The following NKX2-1 variants were observed in gnomAD, a reference collection of about 807,000 sequenced individuals.
NKX2-1 encodes NK2 homeobox 1, also known as homeobox protein Nkx-2.1.
A neutral mutation model predicts 35.1 loss-of-function variants in NKX2-1; 9 were observed. That is an observed-to-expected ratio of 0.26 (90% confidence interval 0.15 to 0.45). NKX2-1 has a LOEUF of 0.45. Ranked by LOEUF, NKX2-1 falls within the 20% of genes least tolerant of loss-of-function variation. The pLI is 1.00. For missense variants in NKX2-1, 509 were observed against 589.1 expected, an observed-to-expected ratio of 0.86 and a Z score of 1.41; for synonymous variants, 284 against 269.9, an observed-to-expected ratio of 1.05 and a Z score of -0.51.
Position 36,517,666 on chromosome 14 carries a change from C to A in NKX2-1, c.818G>T (p.Gly273Val), listed in dbSNP as rs771205427. 2.6e-6 allele frequency: 4 copies of A among 1,550,286 alleles called. No homozygotes were observed. In the South Asian group the frequency reaches 3.6e-5, roughly 14 times the overall value. ...CTGAGCCTGTTGCTGCTGCGGGCAC[C>A]CGGTGCCCCCGCCGCCCCCGCCGCC... The part of the protein sequence containing the change: ...SGGGGGGGGT[G>V]CPQQQQAQQQ... The change falls in exon 3 of 3, where the codon GGG becomes GTG. Residue 273 changes from glycine to valine, a missense_variant. This residue lies in a region of NKX2-1 where 212 missense variants were observed against 227.7 expected (regional missense o/e 0.93). Coordinates refer to ENST00000354822, the MANE Select transcript of NKX2-1 (RefSeq NM_001079668.3).
At position 36,517,821 on chromosome 14, in the gene NKX2-1, G is replaced by A. The variant is rs748104207; in HGVS notation, c.663C>T (p.Arg221=). The change falls in exon 3 of 3, where the codon CGC becomes CGT. Residue 221 remains arginine (R), a synonymous_variant. Transcript: ENST00000354822. ...GGTGGATCATGCTGGCCAGGTGCTCGCGCTCCGGCGCCGACAGGTACTTCT... is the reference window on the plus strand; with the variant it reads ...GGTGGATCATGCTGGCCAGGTGCTCACGCTCCGGCGCCGACAGGTACTTCT... ...KQQKYLSAPE[R]EHLASMIHLT... is the part of the protein sequence containing the mutation. 1.2e-6 allele frequency: 2 copies of A among 1,612,278 alleles called. No individual in the cohort carries two copies. Among genetic ancestry groups the A allele is most frequent in the African/African-American group, 2.7e-5 (2 of 74,906 alleles).
In NKX2-1 at chr14:36,517,037, T is replaced by A; in HGVS notation, c.*241A>T. Reference sequence around the variant, plus strand: ...TGCTTAAAGATTCCTTGAGATTGGATGCGCTTGGTTGTTTTTCATTTTCTT... The same window carrying A: ...TGCTTAAAGATTCCTTGAGATTGGAAGCGCTTGGTTGTTTTTCATTTTCTT... On this transcript the variant is annotated 3_prime_UTR_variant, in exon 3 of 3. Coordinates refer to ENST00000354822, the MANE Select transcript of NKX2-1 (RefSeq NM_001079668.3). The A allele has an allele frequency of 1.4e-6, 1 of 738,144 alleles. No homozygotes were observed. The highest frequency in any genetic ancestry group is 2.1e-6 in the Non-Finnish European group (1 of 479,204). 45.7% of individuals were successfully genotyped at this position (738,144 alleles called of 1,614,324 possible). A position where few individuals can be genotyped will look rare whatever the true frequency, so the allele number is the denominator to read the frequency against.
rs747491554 is a variant in NKX2-1, at chr14:36,519,247, C to G, written c.201G>C (p.Pro67=). ...CCTGGCCCTGCCTGTACGCCGCCAG[C>G]GGAGCCCCGAGGCCGCCGCCCTCCA... The part of the protein sequence containing the change: ...VGMEGGGLGA[P]LAAYRQGQAA... Residue 67 remains proline (P), a synonymous_variant, in exon 2 of 3, where the codon CCG becomes CCC. Coordinates refer to ENST00000354822, the MANE Select transcript of NKX2-1 (RefSeq NM_001079668.3). 63 of 1,609,534 alleles carry G rather than the reference C, an allele frequency of 3.9e-5. 1 individual carries two copies. The South Asian group carries it at 6.6e-4, about 17-fold the overall frequency.
Position 36,517,468 on chromosome 14 carries a change from C to G in NKX2-1, c.1016G>C (p.Gly339Ala), listed in dbSNP as rs1392599296. The change falls in exon 3 of 3, where the codon GGT becomes GCT. Residue 339 changes from glycine (G) to alanine (A), a missense_variant. This residue lies in a region of NKX2-1 where 212 missense variants were observed against 227.7 expected (regional missense o/e 0.93). Coordinates refer to ENST00000354822, the MANE Select transcript of NKX2-1 (RefSeq NM_001079668.3). ...AAAAAISVGS[G>A]GAGLGAHPGH... ...CGGGTGTGCGCCAAGGCCGGCGCCA[C>G]CGCTGCCCACGGAGATGGCCGCTGC... 4 of 1,409,138 alleles carry G rather than the reference C, an allele frequency of 2.8e-6. No individual in the cohort carries two copies. Among genetic ancestry groups the G allele is most frequent in the Non-Finnish European group, 3.7e-6 (4 of 1,084,738 alleles). The allele number at this position is 1,409,138 out of a possible 1,614,324, so 87.3% of individuals were successfully genotyped here.
Position 36,517,411 on chromosome 14 carries a change from G to A in NKX2-1, c.1073C>T (p.Pro358Leu), listed in dbSNP as rs2139405723. Reference sequence around the variant, plus strand: ...GCTGGCGGCGTGGTGCGCCAGGTCCGGAGACTGGCCTGCGCTGCCTGGCTG... The same window carrying A: ...GCTGGCGGCGTGGTGCGCCAGGTCCAGAGACTGGCCTGCGCTGCCTGGCTG... ...GHQPGSAGQS[P>L]DLAHHAASPA... The change falls in exon 3 of 3, where the codon CCG becomes CTG. Residue 358 changes from proline to leucine, a missense_variant. Transcript: ENST00000354822. 1.9e-6 allele frequency: 3 copies of A among 1,586,768 alleles called. No individual in the cohort carries two copies. Among genetic ancestry groups the A allele is most frequent in the Non-Finnish European group, 2.6e-6 (3 of 1,169,268 alleles).
In NKX2-1 at chr14:36,517,530, C is replaced by G. The variant is rs1485828524; in HGVS notation, c.954G>C (p.Gln318His). The part of the protein sequence containing the change: ...GAASLQGHAQ[Q>H]QAQHQAQAAQ... ...CGGCCTGCGCCTGGTGCTGCGCCTG[C>G]TGCTGCGCGTGGCCTTGTAGGCTGG... is the stretch of plus-strand genomic sequence containing the variant. Residue 318 changes from glutamine to histidine, a missense_variant, in exon 3 of 3, where the codon CAG (glutamine) becomes CAC (histidine). By Grantham distance (24) the Gln-to-His change is conservative (BLOSUM62 0). Around this residue, in one of 5 missense-constraint regions of NKX2-1, gnomAD observed 212 missense variants for 227.7 expected, o/e 0.93. Transcript: ENST00000354822. The G allele has an allele frequency of 7.1e-6, 10 of 1,417,698 alleles. No homozygotes were observed. The highest frequency in any genetic ancestry group is 9.1e-6 in the Non-Finnish European group (10 of 1,093,880). The allele number at this position is 1,417,698 out of a possible 1,614,324, so 87.8% of individuals were successfully genotyped here. A position where few individuals can be genotyped will look rare whatever the true frequency, so the allele number is the denominator to read the frequency against.
rs753882715 is a variant in NKX2-1 at position 36,518,010 on chromosome 14, G to A, written c.474C>T (p.Phe158=). ...PDPRFPAISR[F]MGPASGMNMS... Reference sequence around the variant, plus strand: ...TGTTCATGCCGCTCGCCGGGCCCATGAAGCGGGAGACTGTAAGCGACAAAC... The same window carrying A: ...TGTTCATGCCGCTCGCCGGGCCCATAAAGCGGGAGACTGTAAGCGACAAAC... Residue 158 remains phenylalanine, a synonymous_variant, in exon 3 of 3, where the codon TTC becomes TTT. Coordinates refer to ENST00000354822, the MANE Select transcript of NKX2-1 (RefSeq NM_001079668.3). 2 of 1,598,214 alleles carry A rather than the reference G, an allele frequency of 1.3e-6. No homozygotes were observed. The highest frequency in any genetic ancestry group is 1.7e-6 in the Non-Finnish European group (2 of 1,179,712).
At position 36,519,119 on chromosome 14, in the gene NKX2-1, T is replaced by C. The variant is rs1881212000; in HGVS notation, c.329A>G (p.His110Arg). 2 of 1,605,356 alleles carry C rather than the reference T, an allele frequency of 1.2e-6. No individual in the cohort carries two copies. The change falls in exon 2 of 3, where the codon CAC (histidine) becomes CGC (arginine). Residue 110 changes from histidine to arginine, a missense_variant. His to Arg is a conservative substitution (Grantham distance 29). Around this residue, in one of 5 missense-constraint regions of NKX2-1, gnomAD observed 271 missense variants for 284.1 expected, o/e 0.95. Coordinates refer to ENST00000354822, the MANE Select transcript of NKX2-1 (RefSeq NM_001079668.3). ...GTTGCAGTAGCCCCCCACGGCGGAG[T>C]GCGAGAGCTGGGGCACCCCCGCCGC... is the stretch of plus-strand genomic sequence containing the variant. ...MTAAGVPQLS[H>R]SAVGGYCNGN... is the part of the protein sequence containing the mutation.
chr14:36,518,886 T>G (rs939978728), intron 2 of NKX2-1, 99 bp downstream of exon 2: 3 of 1,364,170 alleles, frequency 2.2e-6, no homozygotes, highest in Non-Finnish European at 2.8e-6. Context: ...CCCTCCCTGA[T>G]GCCCAGCGCG....
chr14:36,518,160 G>C (rs956148632), intron 2 of NKX2-1, 140 bp from the exon 3 acceptor site: 5 of 1,231,076 alleles, frequency 4.1e-6, no homozygotes, highest in Non-Finnish European at 5.6e-6. Context: ...GGGCCCAAGA[G>C]GCCCATCCGC....
chr14:36,519,464 T>A, intron 1 of NKX2-1, 94 bp from the exon 2 acceptor site: 1 of 1,560,018 alleles, frequency 6.4e-7, no homozygotes. Context: ...TATTCTGGTG[T>A]TACCTTAACG....
At position 36,520,143 on chromosome 14, in the gene NKX2-1, G is replaced by A. The variant is rs772486588; in HGVS notation, c.-14C>T. The stretch of plus-strand genomic sequence containing the variant: ...TCCGGACCACATCGGGCTTCGCTGC[G>A]CTGAGCCCCAGTCGCCAACAAATGA... On this transcript the variant is annotated 5_prime_UTR_variant, in exon 1 of 3. Transcript: ENST00000354822. The A allele has an allele frequency of 1.2e-6, 2 of 1,612,516 alleles. No individual in the cohort carries two copies. Among genetic ancestry groups the A allele is most frequent in the Non-Finnish European group, 1.7e-6 (2 of 1,179,818 alleles).
At position 36,517,250 on chromosome 14, in the gene NKX2-1, G is replaced by C; in HGVS notation, c.*28C>G. On this transcript the variant is annotated 3_prime_UTR_variant, in exon 3 of 3. Coordinates refer to ENST00000354822, the MANE Select transcript of NKX2-1 (RefSeq NM_001079668.3). ...CAGGAGGGAAGCGGTGAGGCAGAGC[G>C]CTGGGCTAGGGCCGGCCCGGCGTCC... 1 of 1,584,208 alleles carries C rather than the reference G, an allele frequency of 6.3e-7. No homozygotes were observed. Among genetic ancestry groups the C allele is most frequent in the Non-Finnish European group, 8.6e-7 (1 of 1,167,320 alleles).
chr14:36,517,323 G>A lies in NKX2-1; in HGVS notation c.1161C>T (p.Tyr387=), dbSNP rs566854717. The change falls in exon 3 of 3, where the codon TAC becomes TAT. Residue 387 remains tyrosine (Y), a synonymous_variant. Transcript: ENST00000354822. Reference sequence around the variant, plus strand: ...GCAAGGTGGAGCAGGACATGGTGCCGTAGTCCGAGCCCGAGGAGTTCAGGT... The same window carrying A: ...GCAAGGTGGAGCAGGACATGGTGCCATAGTCCGAGCCCGAGGAGTTCAGGT... The part of the protein sequence containing the change: ...LSHLNSSGSD[Y]GTMSCSTLLY... 18 of 1,611,882 alleles carry A rather than the reference G, an allele frequency of 1.1e-5. No individual in the cohort carries two copies. The highest frequency in any genetic ancestry group is 1.4e-5 in the Non-Finnish European group (16 of 1,179,664).
chr14:36,518,075 C>A, intron 2 of NKX2-1, 55 bp from the exon 3 acceptor site: 2 of 1,583,490 alleles, frequency 1.3e-6, no homozygotes, highest in Non-Finnish European at 1.7e-6. Context: ...CAGGCCACCC[C>A]TGTTTTCCGC....
chr14:36,517,115 C>G lies in NKX2-1; in HGVS notation c.*163G>C. 8.3e-7 allele frequency: 1 copy of G among 1,209,586 alleles called. No individual in the cohort carries two copies. Among genetic ancestry groups the G allele is most frequent in the Non-Finnish European group, 1.1e-6 (1 of 912,812 alleles). 74.9% of individuals were successfully genotyped at this position (1,209,586 alleles called of 1,614,324 possible). On this transcript the variant is annotated 3_prime_UTR_variant, in exon 3 of 3. Transcript: ENST00000354822. Reference sequence around the variant, plus strand: ...TAGGGGGGGAAAAAAAGAAAGACGTCCAGCAGTTTGGCCTTTGTGGTTTTT... The same window carrying G: ...TAGGGGGGGAAAAAAAGAAAGACGTGCAGCAGTTTGGCCTTTGTGGTTTTT...
At position 36,520,186 on chromosome 14, in the gene NKX2-1, CG is replaced by C. The variant is rs936682932; in HGVS notation, c.-58del. The C allele has an allele frequency of 2.2e-5, 36 of 1,600,362 alleles. No homozygotes were observed. Among genetic ancestry groups the C allele is most frequent in the Admixed American group, 1.7e-5 (1 of 58,740 alleles). On this transcript the variant is annotated 5_prime_UTR_variant, in exon 1 of 3. Transcript: ENST00000354822. ...ACAAATGAGCGAGCGAGTCTGGGGA[CG>C]AACCCTGGGGCCGCACTGTTGGTCT... is the stretch of plus-strand genomic sequence containing the variant.
chr14:36,518,727 G>T (rs1029019427), intron 2 of NKX2-1, among the ~76,000 whole-genome samples: 2 of 152,206 alleles, frequency 1.3e-5, no homozygotes, highest in East Asian at 3.9e-4. Flanking sequence ...GAGCAGAGCT[G>T]CCAGTCCACC....
Position 36,520,183 on chromosome 14 carries a change from G to A in NKX2-1, c.-54C>T, listed in dbSNP as rs1881290883. On this transcript the variant is annotated 5_prime_UTR_variant, in exon 1 of 3. Transcript: ENST00000354822. ...CCAACAAATGAGCGAGCGAGTCTGG[G>A]GACGAACCCTGGGGCCGCACTGTTG... 6.2e-7 allele frequency: 1 copy of A among 1,603,398 alleles called. No homozygotes were observed. Among genetic ancestry groups the A allele is most frequent in the Admixed American group, 1.7e-5 (1 of 59,084 alleles).
Sources: allele counts gnomAD v4.1 joint callset (sites outside exome capture counted in the v4.1 genomes callset), GRCh38; gene constraint gnomAD v4.1.1; regional missense constraint gnomAD v4.1.1; transcripts MANE v1.5; gene names NCBI Gene and HGNC (gene_info 2026-07-23, HGNC 2026-07-21).